Variants in ABCB5 observed in about 807,000 individuals in gnomAD.
ABCB5 encodes the protein ATP binding cassette subfamily B member 5.
ABCB5 carries 155 observed loss-of-function variants against 144.2 expected under a neutral mutation model. The ratio of observed to expected loss-of-function variants is 1.08; its 90% CI spans 0.94 to 1.23. ABCB5 has a LOEUF of 1.23. Ranked by LOEUF, ABCB5 falls within the 50% of genes most tolerant of loss-of-function variation. The pLI is 0.00. For missense variants in ABCB5, 1,830 were observed against 1,520.8 expected (o/e 1.20, Z -3.38); for synonymous variants, 610 against 528.6 (o/e 1.15, Z -2.11).
At chr7:20,731,239 A>G (rs558411825) in intron 23 of ABCB5, among the ~76,000 whole-genome samples, 38 of 151,818 alleles carry the variant, frequency 2.5e-4, no homozygotes, top group Admixed American at 6.6e-4. Context: ...CTGTAATCCC[A>G]TCTACTTGGG....
intron 13 of ABCB5, among the ~76,000 whole-genome samples, chr7:20,655,941 G>A (rs551933515): frequency 6.6e-6 from 1 of 152,278 alleles, no homozygotes; most frequent in East Asian, 1.9e-4. Flanking sequence ...CATAATGATG[G>A]TTGTATAGAT....
chr7:20,650,824 A>T (rs1358333095), intron 12 of ABCB5, among the ~76,000 whole-genome samples: 1 of 152,160 alleles, frequency 6.6e-6, no homozygotes, highest in Non-Finnish European at 1.5e-5. Flanking sequence ...ATGTGTATAA[A>T]AGAGTTGCAT....
At chr7:20,699,086 A>T (rs1786519809) in intron 17 of ABCB5, among the ~76,000 whole-genome samples, 1 of 152,234 alleles carries the variant, frequency 6.6e-6, no homozygotes, top group Non-Finnish European at 1.5e-5. Context: ...ATGCCTGTGT[A>T]TGTATGTTAC....
At chr7:20,748,633 A>G (rs1762836350) in intron 26 of ABCB5, among the ~76,000 whole-genome samples, 1 of 141,782 alleles carries the variant, frequency 7.1e-6, no homozygotes, top group African/African-American at 2.7e-5. Context: ...CTGGGCAACA[A>G]GAGTGAGACT....
chr7:20,690,276 A>T (rs182946331), intron 16 of ABCB5, among the ~76,000 whole-genome samples: 1 of 152,254 alleles, frequency 6.6e-6, no homozygotes, highest in East Asian at 1.9e-4. Context: ...GCCCTTATAG[A>T]TAATTTACAA....
intron 20 of ABCB5, among the ~76,000 whole-genome samples, chr7:20,721,167 G>A (rs1192857905): frequency 2.0e-5 from 3 of 152,098 alleles, no homozygotes; most frequent in African/African-American, 7.2e-5. Flanking sequence ...GAGAGAGAAT[G>A]TTCTTGTTTA....
At chr7:20,654,176 A>G (rs916519971) in intron 13 of ABCB5, among the ~76,000 whole-genome samples, 9 of 149,330 alleles carry the variant, frequency 6.0e-5, no homozygotes, top group African/African-American at 2.2e-4. Context: ...AAAAATCAGC[A>G]CTGTTTTTTT....
At chr7:20,753,762 A>T (rs1783003307) in intron 27 of ABCB5, among the ~76,000 whole-genome samples, 1 of 152,206 alleles carries the variant, frequency 6.6e-6, no homozygotes, top group Admixed American at 6.5e-5. Flanking sequence ...TCAAAAGTGG[A>T]CCAATTTTCA....
chr7:20,663,963 G>T (rs146448884), intron 14 of ABCB5, among the ~76,000 whole-genome samples: 14,678 of 151,588 alleles, frequency 0.097, 908 homozygotes, highest in Non-Finnish European at 0.13. Context: ...TGATCCACGC[G>T]CCTCGGCCTC....
rs768696376 is a variant in ABCB5 at position 20,679,471 on chromosome 7, C to CAAAA, written c.1708-2022_1708-2019dup. On this transcript the variant is annotated intron_variant, in intron 14 of 27. Coordinates refer to ENST00000404938, the MANE Select transcript of ABCB5 (RefSeq NM_001163941.2). ...GGGCAACAAGAGCTAAACTCCATCT[C>CAAAA]AAAAAAAAAAAAAAAGAGAGAGAGA... 1.3e-3 allele frequency among the ~76,000 whole-genome samples: 75 copies of CAAAA among 59,438 alleles called. 1 individual carries two copies. The highest frequency in any genetic ancestry group is 5.0e-3 in the African/African-American group (60 of 12,040). 39.0% of individuals were successfully genotyped at this position (59,438 alleles called of 152,430 possible).
chr7:20,689,357 C>T (rs1786128007), intron 16 of ABCB5, among the ~76,000 whole-genome samples: 1 of 152,068 alleles, frequency 6.6e-6, no homozygotes, highest in Admixed American at 6.6e-5. Context: ...GGAAATCTGC[C>T]CTCAAGGGTG....
intron 5 of ABCB5, among the ~76,000 whole-genome samples, chr7:20,634,499 A>C (rs1311480521): frequency 1.3e-5 from 2 of 152,008 alleles, no homozygotes; most frequent in Non-Finnish European, 2.9e-5. Context: ...GGCTGTACTA[A>C]TTTACGTTAC....
At chr7:20,744,738 T>A (rs968244205) in intron 25 of ABCB5, among the ~76,000 whole-genome samples, 3 of 151,870 alleles carry the variant, frequency 2.0e-5, no homozygotes, top group African/African-American at 7.3e-5. Flanking sequence ...GTTGTGCACA[T>A]GTACCCTAAA....
chr7:20,634,917 T>G (rs925580462), intron 5 of ABCB5, among the ~76,000 whole-genome samples: 3 of 152,114 alleles, frequency 2.0e-5, no homozygotes, highest in Non-Finnish European at 4.4e-5. Flanking sequence ...TTAATTTCCA[T>G]TTGTCTATTT....
chr7:20,745,002 G>A (rs1782675234), intron 25 of ABCB5, among the ~76,000 whole-genome samples: 1 of 152,176 alleles, frequency 6.6e-6, no homozygotes. Context: ...TTTTTACTGG[G>A]CTTTCAGAAA....
chr7:20,678,761 G>A (rs180925267), intron 14 of ABCB5, among the ~76,000 whole-genome samples: 1 of 152,326 alleles, frequency 6.6e-6, no homozygotes, highest in Admixed American at 6.5e-5. Flanking sequence ...AGACAGCATA[G>A]CATTGGTGCA....
intron 14 of ABCB5, among the ~76,000 whole-genome samples, chr7:20,675,756 T>C (rs1035221509): frequency 2.0e-5 from 3 of 151,880 alleles, no homozygotes; most frequent in Non-Finnish European, 4.4e-5. Context: ...GGAAACCATA[T>C]ATCTGGTAAG....
intron 1 of ABCB5, among the ~76,000 whole-genome samples, chr7:20,616,488 T>C (rs1018831347): frequency 6.6e-6 from 1 of 152,262 alleles, no homozygotes; most frequent in African/African-American, 2.4e-5. Flanking sequence ...GATTTCCATC[T>C]TGGTACATGA....
intron 20 of ABCB5, among the ~76,000 whole-genome samples, chr7:20,719,226 G>A (rs894260189): frequency 2.0e-5 from 3 of 151,902 alleles, no homozygotes; most frequent in African/African-American, 7.3e-5. Flanking sequence ...CAGGTAAATA[G>A]GGGCCCTCAT....
Sources: gnomAD v4.1 joint callset for allele counts (sites outside exome capture counted in the v4.1 genomes callset) on GRCh38, gnomAD v4.1.1 for gene constraint, MANE v1.5 for transcripts, NCBI Gene and HGNC (gene_info 2026-07-23, HGNC 2026-07-21) for gene names.